Variants in GPC6 observed in about 807,000 individuals in gnomAD.
The protein encoded by GPC6 is glypican 6.
A neutral mutation model predicts 55.2 loss-of-function variants in GPC6; 14 were observed. The observed-to-expected ratio is 0.25, with a 90% CI of 0.17 to 0.40. The LOEUF is 0.40. GPC6 is among the 10% of genes least tolerant of loss of function. The pLI, the probability that GPC6 is intolerant of heterozygous loss-of-function variation, is 1.00. For missense variants in GPC6, 641 were observed against 708.5 expected, an observed-to-expected ratio of 0.90 and a Z score of 1.08; for synonymous variants, 278 against 259.6, an observed-to-expected ratio of 1.07 and a Z score of -0.68.
intron 1 of GPC6, among the ~76,000 whole-genome samples, chr13:93,238,558 C>T (rs1266236807): frequency 6.6e-6 from 1 of 151,858 alleles, no homozygotes; most frequent in African/African-American, 2.4e-5. Flanking sequence ...AACTGGAATG[C>T]CTTTTATTTC....
chr13:93,451,148 A>T, intron 1 of GPC6, among the ~76,000 whole-genome samples: 1 of 152,256 alleles, frequency 6.6e-6, no homozygotes, highest in East Asian at 1.9e-4. Context: ...TATCATTGAG[A>T]TAGACAGCAT....
chr13:93,735,641 C>G (rs1032342753), intron 2 of GPC6, among the ~76,000 whole-genome samples: 1 of 152,114 alleles, frequency 6.6e-6, no homozygotes, highest in African/African-American at 2.4e-5. Flanking sequence ...TTCTGAAAAG[C>G]TAGATACACT....
intron 2 of GPC6, among the ~76,000 whole-genome samples, chr13:93,562,091 G>C (rs1479206193): frequency 6.6e-6 from 1 of 152,030 alleles, no homozygotes; most frequent in African/African-American, 2.4e-5. Context: ...TATGCTGAAA[G>C]TTAATTTGCT....
intron 1 of GPC6, among the ~76,000 whole-genome samples, chr13:93,322,428 CTTCT>C (rs1226819664): frequency 8.4e-6 from 1 of 119,112 alleles, no homozygotes; most frequent in African/African-American, 3.2e-5. Context: ...TTTTTTCTTT[CTTCT>C]TTTTTTTTTT....
intron 4 of GPC6, among the ~76,000 whole-genome samples, chr13:94,235,764 C>A (rs1890860332): frequency 6.6e-6 from 1 of 152,040 alleles, no homozygotes; most frequent in Non-Finnish European, 1.5e-5. Context: ...AAATTGAATC[C>A]TTGGGAGAAA....
At chr13:93,337,798 C>T (rs1402898548) in intron 1 of GPC6, among the ~76,000 whole-genome samples, 1 of 152,134 alleles carries the variant, frequency 6.6e-6, no homozygotes, top group Non-Finnish European at 1.5e-5. Context: ...TTCCACTACC[C>T]TTCTGGTTAT....
At chr13:93,830,736 A>G in intron 3 of GPC6, 191 bp downstream of exon 3, 1 of 606,064 alleles carries the variant, frequency 1.6e-6, no homozygotes, top group South Asian at 2.1e-5. Context: ...GTGAGAGAGA[A>G]CAGGATTTTA....
chr13:94,107,409 T>A (rs1886093531), intron 4 of GPC6, among the ~76,000 whole-genome samples: 1 of 152,134 alleles, frequency 6.6e-6, no homozygotes, highest in Non-Finnish European at 1.5e-5. Flanking sequence ...CTGGCCTGTG[T>A]TGATCATTTT....
At position 94,406,024 on chromosome 13, in the gene GPC6, A is replaced by G. The variant is rs1207822878; in HGVS notation, c.*2807A>G. On this transcript the variant is annotated 3_prime_UTR_variant, in exon 9 of 9. Coordinates refer to ENST00000377047, the MANE Select transcript of GPC6 (RefSeq NM_005708.5). Reference sequence around the variant, plus strand: ...ATAGGGGATGCAATGAGGCTTCATTATTTTTTATGACCTGCCCCTCATTTG... The same window carrying G: ...ATAGGGGATGCAATGAGGCTTCATTGTTTTTTATGACCTGCCCCTCATTTG... The G allele has an allele frequency of 6.6e-6, 1 of 152,098 alleles. No homozygotes were observed. Among genetic ancestry groups the G allele is most frequent in the Non-Finnish European group, 1.5e-5 (1 of 67,982 alleles). The allele number at this position is 152,098 out of a possible 1,614,324, so 9.4% of individuals were successfully genotyped here.
chr13:94,308,990 A>G (rs1022848811), intron 6 of GPC6, among the ~76,000 whole-genome samples: 1 of 152,238 alleles, frequency 6.6e-6, no homozygotes, highest in Non-Finnish European at 1.5e-5. Flanking sequence ...AGAAGGATGC[A>G]CTGCGAAACT....
chr13:93,490,454 T>C (rs957420345), intron 1 of GPC6, among the ~76,000 whole-genome samples: 5 of 127,216 alleles, frequency 3.9e-5, no homozygotes, highest in African/African-American at 1.4e-4. Context: ...TCCACTATTA[T>C]TATTTCTTTT....
At chr13:93,610,384 G>A (rs1878413272) in intron 2 of GPC6, among the ~76,000 whole-genome samples, 1 of 152,162 alleles carries the variant, frequency 6.6e-6, no homozygotes. Flanking sequence ...GTGTGCGTAG[G>A]TGTGTTTATG....
intron 4 of GPC6, among the ~76,000 whole-genome samples, chr13:94,124,755 T>C (rs997539585): frequency 2.6e-5 from 4 of 152,042 alleles, no homozygotes; most frequent in Non-Finnish European, 5.9e-5. Flanking sequence ...AGACAGAGAT[T>C]GAAAGCAAGG....
intron 4 of GPC6, among the ~76,000 whole-genome samples, chr13:94,238,237 A>G (rs191645307): frequency 2.6e-5 from 4 of 152,272 alleles, no homozygotes; most frequent in Admixed American, 2.0e-4. Context: ...TCGAGGAGAG[A>G]TCACAAGTAG....
At chr13:94,219,819 G>T (rs1369144314) in intron 4 of GPC6, among the ~76,000 whole-genome samples, 1 of 152,100 alleles carries the variant, frequency 6.6e-6, no homozygotes, top group Non-Finnish European at 1.5e-5. Flanking sequence ...TTCCAGAAAG[G>T]TATGTTGAGG....
At chr13:94,106,380 G>A (rs1017510591) in intron 4 of GPC6, among the ~76,000 whole-genome samples, 4 of 152,186 alleles carry the variant, frequency 2.6e-5, no homozygotes, top group African/African-American at 7.2e-5. Flanking sequence ...AAAGGATAAC[G>A]TTGGTGAAAG....
chr13:93,835,908 A>G (rs963803667), intron 3 of GPC6: 1 of 152,202 alleles, frequency 6.6e-6, no homozygotes, highest in Non-Finnish European at 1.5e-5. Context: ...TGGGATCCAT[A>G]TAACTTGAAC....
chr13:94,078,949 A>C (rs374161401), intron 4 of GPC6, among the ~76,000 whole-genome samples: 12 of 152,060 alleles, frequency 7.9e-5, no homozygotes, highest in African/African-American at 2.2e-4. Context: ...ACAAGAAAAA[A>C]AAATTTTAGG....
At chr13:93,346,532 G>A (rs1880437473) in intron 1 of GPC6, among the ~76,000 whole-genome samples, 4 of 152,140 alleles carry the variant, frequency 2.6e-5, no homozygotes, top group Non-Finnish European at 5.9e-5. Context: ...GTGATGTGAG[G>A]GGTTCCAGGG....
Sources: allele counts gnomAD v4.1 joint callset (sites outside exome capture counted in the v4.1 genomes callset), GRCh38; gene constraint gnomAD v4.1.1; transcripts MANE v1.5; gene names NCBI Gene and HGNC (gene_info 2026-07-23, HGNC 2026-07-21).